The following MAGI2 variants were observed in gnomAD, a reference collection of about 807,000 sequenced individuals.
MAGI2 encodes the protein membrane associated guanylate kinase, WW and PDZ domain containing 2.
Under a neutral mutation model 133.3 loss-of-function variants are expected in MAGI2, and 35 were observed. That is an observed-to-expected ratio of 0.26 (90% CI 0.20 to 0.35). The LOEUF (loss-of-function observed/expected upper bound fraction) is 0.35, where lower values mean the gene tolerates loss of function less well. Ranked by LOEUF, MAGI2 falls within the 10% of genes least tolerant of loss-of-function variation. MAGI2 has a pLI of 1.00. For synonymous variants in MAGI2, 729 were observed against 710.6 expected (o/e 1.03, Z -0.41); for missense variants, 1,636 against 1,863.4 (o/e 0.88, Z 2.25).
intron 21 of MAGI2, among the ~76,000 whole-genome samples, chr7:78,037,026 C>CTAGA (rs145566266): frequency 0.054 from 8,255 of 152,178 alleles, 346 homozygotes; most frequent in African/African-American, 0.12. Flanking sequence ...AGCAATAGCC[C>CTAGA]TAGAGAAGGA....
chr7:78,385,424 A>G (rs1795291729), intron 6 of MAGI2, among the ~76,000 whole-genome samples: 1 of 152,166 alleles, frequency 6.6e-6, no homozygotes, highest in Non-Finnish European at 1.5e-5. Context: ...GACAGTTGAG[A>G]GATAAGGCAG....
intron 1 of MAGI2, among the ~76,000 whole-genome samples, chr7:79,129,411 G>C (rs1470330229): frequency 2.0e-5 from 3 of 152,092 alleles, no homozygotes; most frequent in African/African-American, 7.2e-5. Context: ...ATCAAATCTA[G>C]TACTCCAAAT....
At chr7:78,281,884 C>A (rs371191937) in intron 9 of MAGI2, among the ~76,000 whole-genome samples, 45 of 139,710 alleles carry the variant, frequency 3.2e-4, no homozygotes, top group South Asian at 6.9e-4. Context: ...AACTCCATCT[C>A]AAAAAAAAAA....
At chr7:78,071,084 T>C (rs1427571515) in intron 21 of MAGI2, among the ~76,000 whole-genome samples, 1 of 152,184 alleles carries the variant, frequency 6.6e-6, no homozygotes, top group African/African-American at 2.4e-5. Flanking sequence ...GCAAATCATG[T>C]AAGAATATGT....
intron 1 of MAGI2, among the ~76,000 whole-genome samples, chr7:79,376,656 G>T (rs1427806759): frequency 6.6e-6 from 1 of 151,854 alleles, no homozygotes; most frequent in African/African-American, 2.4e-5. Flanking sequence ...ACAGAGCAGG[G>T]TCATGCGAAA....
intron 3 of MAGI2, among the ~76,000 whole-genome samples, chr7:78,613,196 T>C (rs924562310): frequency 1.5e-4 from 23 of 152,260 alleles, no homozygotes; most frequent in Admixed American, 1.2e-3. Context: ...TCTGAACATA[T>C]AACATGCCAA....
intron 1 of MAGI2, among the ~76,000 whole-genome samples, chr7:79,146,098 G>C (rs1319157206): frequency 6.6e-6 from 1 of 151,816 alleles, no homozygotes; most frequent in Admixed American, 6.6e-5. Context: ...CTAAACCTCT[G>C]TTCATGCTCT....
intron 16 of MAGI2, among the ~76,000 whole-genome samples, chr7:78,145,056 A>G (rs969639990): frequency 6.6e-6 from 1 of 152,174 alleles, no homozygotes; most frequent in African/African-American, 2.4e-5. Flanking sequence ...CTAAGAAATT[A>G]TGCAGGGAAA....
intron 4 of MAGI2, among the ~76,000 whole-genome samples, chr7:78,504,630 T>TA (rs1794925615): frequency 1.3e-5 from 2 of 151,980 alleles, no homozygotes; most frequent in Non-Finnish European, 2.9e-5. Context: ...CCTATTAAAA[T>TA]AAAAAAATAC....
chr7:79,317,878 G>C (rs143292160), intron 1 of MAGI2, among the ~76,000 whole-genome samples: 17 of 152,284 alleles, frequency 1.1e-4, no homozygotes, highest in African/African-American at 3.8e-4. Flanking sequence ...TCAGCCAGCA[G>C]CATGTCAGTT....
At chr7:78,873,266 C>T (rs1795176383) in intron 2 of MAGI2, among the ~76,000 whole-genome samples, 1 of 152,174 alleles carries the variant, frequency 6.6e-6, no homozygotes, top group Admixed American at 6.5e-5. Context: ...TCCCCAACCC[C>T]TGGGCCATGG....
intron 6 of MAGI2, 72 bp downstream of exon 6, chr7:78,489,689 A>T: frequency 9.1e-7 from 1 of 1,098,558 alleles, no homozygotes; most frequent in Non-Finnish European, 1.4e-6. Context: ...TCTTCAGGTG[A>T]GACTCTCATT....
intron 2 of MAGI2, among the ~76,000 whole-genome samples, chr7:78,861,986 A>C (rs1039775494): frequency 6.6e-6 from 1 of 152,204 alleles, no homozygotes; most frequent in Non-Finnish European, 1.5e-5. Context: ...AATTAAACCA[A>C]ATGTACAAAT....
intron 2 of MAGI2, among the ~76,000 whole-genome samples, chr7:78,953,569 C>T (rs1477369141): frequency 1.3e-5 from 2 of 151,956 alleles, no homozygotes; most frequent in Admixed American, 1.3e-4. Flanking sequence ...TAAATTATAA[C>T]CCAGTAGTTT....
chr7:78,403,305 C>T (rs1387196744), intron 6 of MAGI2, among the ~76,000 whole-genome samples: 6 of 152,194 alleles, frequency 3.9e-5, no homozygotes, highest in African/African-American at 1.4e-4. Flanking sequence ...CCAGCTTCAT[C>T]CATGTGCCTA....
In MAGI2 at chr7:78,194,989, G is replaced by C; in HGVS notation, c.2154C>G (p.Pro718=). The change falls in exon 12 of 22, where the codon CCC becomes CCG. Residue 718 remains proline (P), a synonymous_variant. Transcript: ENST00000354212. ...LSAPAIPQNL[P]FPPALHRSSF... is the part of the protein sequence containing the mutation. ...AGCTCCTGTGAAGGGCAGGTGGGAAGGGCAGGTTCTGCGGTATGGCCGGAG... is the reference window on the plus strand; with the variant it reads ...AGCTCCTGTGAAGGGCAGGTGGGAACGGCAGGTTCTGCGGTATGGCCGGAG... The C allele has an allele frequency of 6.2e-7, 1 of 1,614,140 alleles. No homozygotes were observed. The highest frequency in any genetic ancestry group is 8.5e-7 in the Non-Finnish European group (1 of 1,179,986).
At chr7:79,068,591 C>A (rs1453953439) in intron 1 of MAGI2, among the ~76,000 whole-genome samples, 2 of 151,888 alleles carry the variant, frequency 1.3e-5, no homozygotes, top group African/African-American at 4.8e-5. Flanking sequence ...TATCTCTTTC[C>A]ATTCTGCTCT....
At chr7:78,130,020 A>G (rs1821404773) in intron 18 of MAGI2, among the ~76,000 whole-genome samples, 1 of 151,904 alleles carries the variant, frequency 6.6e-6, no homozygotes, top group South Asian at 2.1e-4. Context: ...TCAATTTCCA[A>G]TGCTCTTTCA....
chr7:78,380,643 T>C (rs1258446942), intron 6 of MAGI2, among the ~76,000 whole-genome samples: 1 of 152,050 alleles, frequency 6.6e-6, no homozygotes, highest in Non-Finnish European at 1.5e-5. Context: ...TACAAAAATA[T>C]AGTTAGATAG....
Sources: gnomAD v4.1 joint callset for allele counts (sites outside exome capture counted in the v4.1 genomes callset) on GRCh38, gnomAD v4.1.1 for gene constraint, MANE v1.5 for transcripts, NCBI Gene and HGNC (gene_info 2026-07-23, HGNC 2026-07-21) for gene names.